The following NDUFA13 variants were observed in gnomAD, a reference collection of about 807,000 sequenced individuals.
The protein encoded by NDUFA13 is NADH dehydrogenase [ubiquinone] 1 alpha subcomplex subunit 13.
In NDUFA13, 16 loss-of-function variants were observed where a neutral mutation model predicts 17.0. The ratio of observed to expected loss-of-function variants is 0.94; its 90% CI spans 0.64 to 1.43. The LOEUF (loss-of-function observed/expected upper bound fraction) is 1.43. Ranked by LOEUF, NDUFA13 falls within the 40% of genes most tolerant of loss-of-function variation. NDUFA13 has a pLI of 0.00. For synonymous variants in NDUFA13, 87 were observed against 78.4 expected (o/e 1.11, Z -0.58); for missense variants, 228 against 206.7 (o/e 1.10, Z -0.63).
intron 2 of NDUFA13, chr19:19,526,601 CA>C: frequency 2.6e-6 from 1 of 381,766 alleles, no homozygotes; most frequent in Non-Finnish European, 5.1e-6. Context: ...CCCGTGGATC[CA>C]GATTAGGACA....
Position 19,528,042 on chromosome 19 carries a change from G to GC in NDUFA13, c.357dup (p.Ile121AspfsTer?). The GC allele has an allele frequency of 6.2e-7, 1 of 1,612,546 alleles. No individual in the cohort carries two copies. The highest frequency in any genetic ancestry group is 8.5e-7 in the Non-Finnish European group (1 of 1,179,928). The stretch of plus-strand genomic sequence containing the variant: ...CTGTGTTCCACACAACCCGCTGGGT[G>GC]CCCCCCTTGATCGGGGAGCTGTACG... On this transcript the variant is annotated frameshift_variant, in exon 5 of 5. Transcript: ENST00000507754. LOFTEE classifies it low-confidence loss of function (END_TRUNC).
chr19:19,527,635 G>A (rs1486102310), intron 3 of NDUFA13, 66 bp from the exon 4 acceptor site: 1 of 1,297,066 alleles, frequency 7.7e-7, no homozygotes, highest in East Asian at 2.5e-5. Context: ...GTGCTACTAG[G>A]GGCCCTAGGC....
At chr19:19,520,196 C>G (rs1325708848) in intron 1 of NDUFA13, among the ~76,000 whole-genome samples, 1 of 152,106 alleles carries the variant, frequency 6.6e-6, no homozygotes, top group Non-Finnish European at 1.5e-5. Flanking sequence ...CACCCCACCT[C>G]CTCCACTATC....
intron 1 of NDUFA13, among the ~76,000 whole-genome samples, chr19:19,525,464 G>A (rs1220314509): frequency 6.6e-6 from 1 of 152,238 alleles, no homozygotes; most frequent in East Asian, 1.9e-4. Context: ...TTTCCTGGGT[G>A]TTGACTGGAG....
Position 19,521,497 on chromosome 19 carries a change from A to C in NDUFA13, c.95-4685A>C, listed in dbSNP as rs563954188. On this transcript the variant is annotated intron_variant, in intron 1 of 4. Coordinates refer to ENST00000507754, the MANE Select transcript of NDUFA13 (RefSeq NM_015965.7). ...CCTCTCAAAGTGCTGAGATTCTAGG[A>C]GTGAACCACCACCTTTGCATGTGTT... Among the ~76,000 whole-genome samples, 20 of 152,298 alleles carry C rather than the reference A, an allele frequency of 1.3e-4. No homozygotes were observed. The South Asian group carries it at 4.1e-3, about 32-fold the overall frequency.
At chr19:19,527,191 CAGCAGCACCCTGG>C in intron 2 of NDUFA13, 77 bp from the exon 3 acceptor site, 2 of 1,423,456 alleles carry the variant, frequency 1.4e-6, no homozygotes, top group South Asian at 1.2e-5. Context: ...CCTCTTCCCC[CAGCAGCACCCTGG>C]CCCCTGAGGT....
At chr19:19,523,335 G>C (rs2061086703) in intron 1 of NDUFA13, among the ~76,000 whole-genome samples, 1 of 152,204 alleles carries the variant, frequency 6.6e-6, no homozygotes, top group South Asian at 2.1e-4. Context: ...CATACTGGTA[G>C]TCCCAACACT....
intron 3 of NDUFA13, 125 bp downstream of exon 3, chr19:19,527,477 C>T (rs2061107622): frequency 8.1e-7 from 1 of 1,237,274 alleles, no homozygotes; most frequent in Non-Finnish European, 1.2e-6. Flanking sequence ...CCGTCAGCTG[C>T]ATCCTCAGGC....
intron 1 of NDUFA13, among the ~76,000 whole-genome samples, chr19:19,525,441 C>T (rs2061095675): frequency 6.6e-6 from 1 of 152,228 alleles, no homozygotes; most frequent in African/African-American, 2.4e-5. Flanking sequence ...CCTTGCCTTC[C>T]ACCTGCTGGT....
At chr19:19,516,482 G>C in intron 1 of NDUFA13, 150 bp downstream of exon 1, 3 of 853,920 alleles carry the variant, frequency 3.5e-6, no homozygotes, top group Non-Finnish European at 5.8e-6. Context: ...ATAACGCTAA[G>C]TGCTGCAGTT....
chr19:19,527,505 A>G, intron 3 of NDUFA13, 153 bp downstream of exon 3: 1 of 1,080,602 alleles, frequency 9.3e-7, no homozygotes, highest in Non-Finnish European at 1.4e-6. Flanking sequence ...CTTAGTGGAG[A>G]CCCAAGGGGG....
At chr19:19,525,877 C>CT in intron 1 of NDUFA13, 2 of 563,790 alleles carry the variant, frequency 3.5e-6, no homozygotes, top group Non-Finnish European at 5.8e-6. Context: ...ACCATGGACA[C>CT]TGTCAGAACT....
intron 1 of NDUFA13, among the ~76,000 whole-genome samples, chr19:19,523,685 G>A (rs565273780): frequency 3.9e-5 from 6 of 152,104 alleles, no homozygotes; most frequent in African/African-American, 1.2e-4. Context: ...CTAGCACTTT[G>A]GGAGGCCGAG....
chr19:19,521,507 C>T (rs1171107373), intron 1 of NDUFA13, among the ~76,000 whole-genome samples: 1 of 152,238 alleles, frequency 6.6e-6, no homozygotes, highest in South Asian at 2.1e-4. Context: ...AGTGAACCAC[C>T]ACCTTTGCAT....
intron 1 of NDUFA13, among the ~76,000 whole-genome samples, chr19:19,517,699 C>G (rs1600342836): frequency 6.6e-6 from 1 of 150,562 alleles, no homozygotes; most frequent in Non-Finnish European, 1.5e-5. Context: ...TTTTTTATTT[C>G]TACTTTTTGT....
At chr19:19,525,768 G>A (rs1460176996) in intron 1 of NDUFA13, among the ~76,000 whole-genome samples, 2 of 151,856 alleles carry the variant, frequency 1.3e-5, no homozygotes, top group East Asian at 1.9e-4. Flanking sequence ...AGTCCGGGGG[G>A]TGGCTGGGCA....
chr19:19,520,033 G>C (rs576001708), intron 1 of NDUFA13, among the ~76,000 whole-genome samples: 18 of 144,022 alleles, frequency 1.2e-4, no homozygotes, highest in African/African-American at 4.4e-4. Flanking sequence ...GGAGTGCAGT[G>C]GCGCGATCTC....
At chr19:19,520,696 T>C (rs2061072906) in intron 1 of NDUFA13, among the ~76,000 whole-genome samples, 1 of 152,182 alleles carries the variant, frequency 6.6e-6, no homozygotes, top group Non-Finnish European at 1.5e-5. Context: ...TTCACAAAGT[T>C]GTATGGCCAT....
intron 1 of NDUFA13, among the ~76,000 whole-genome samples, chr19:19,518,538 TTTG>T (rs1163825544): frequency 6.6e-6 from 1 of 150,462 alleles, no homozygotes; most frequent in Admixed American, 6.6e-5. Flanking sequence ...CCTGGCGTTG[TTTG>T]TTTTTTGGTT....
Sources: gnomAD v4.1 joint callset for allele counts (sites outside exome capture counted in the v4.1 genomes callset) on GRCh38, gnomAD v4.1.1 for gene constraint, MANE v1.5 for transcripts, NCBI Gene and HGNC (gene_info 2026-07-23, HGNC 2026-07-21) for gene names.